ANO4: variants seen among roughly 807,000 people sequenced by gnomAD.
ANO4 encodes the protein anoctamin 4.
A neutral mutation model predicts 141.9 loss-of-function variants in ANO4; 69 were observed. The observed-to-expected ratio is 0.49, with a 90% CI of 0.40 to 0.59. The LOEUF (loss-of-function observed/expected upper bound fraction) is 0.59. Ranked by LOEUF, ANO4 falls within the 20% of genes least tolerant of loss-of-function variation. The pLI is 0.00. For missense variants in ANO4, 894 were observed against 1,162.2 expected (o/e 0.77, Z 3.36); for synonymous variants, 350 against 394.3 (o/e 0.89, Z 1.33).
chr12:101,009,570 G>A (rs1211825319), intron 8 of ANO4, among the ~76,000 whole-genome samples: 1 of 152,034 alleles, frequency 6.6e-6, no homozygotes, highest in Admixed American at 6.5e-5. Flanking sequence ...CAATATTCCT[G>A]CTGAGAACTT....
chr12:101,107,334 A>G (rs2050488766), intron 22 of ANO4, among the ~76,000 whole-genome samples: 1 of 152,198 alleles, frequency 6.6e-6, no homozygotes, highest in South Asian at 2.1e-4. Context: ...AGAAACATAA[A>G]GAAGTTGCTG....
chr12:100,797,608 A>C (rs895760850), intron 1 of ANO4, among the ~76,000 whole-genome samples: 1 of 152,028 alleles, frequency 6.6e-6, no homozygotes, highest in Non-Finnish European at 1.5e-5. Flanking sequence ...ATGGGTCTGG[A>C]AACACCTAGA....
At chr12:101,102,913 T>C (rs950494158) in intron 22 of ANO4, among the ~76,000 whole-genome samples, 1 of 151,846 alleles carries the variant, frequency 6.6e-6, no homozygotes, top group Non-Finnish European at 1.5e-5. Context: ...TTTTAGTATA[T>C]AGGTTTTGTA....
chr12:100,942,371 G>A lies in ANO4; in HGVS notation c.298-6G>A. On this transcript the variant is annotated splice_polypyrimidine_tract_variant and splice_region_variant and intron_variant, in intron 4 of 27. Coordinates refer to ENST00000392977, the MANE Select transcript of ANO4 (RefSeq NM_001286615.2). ...CTTAAACTGGTCCCTTTCTCTTTGT[G>A]TGCAGACAGTGCCAGAAAGAAACAA... 6.2e-7 allele frequency: 1 copy of A among 1,612,602 alleles called. No individual in the cohort carries two copies. Among genetic ancestry groups the A allele is most frequent in the Non-Finnish European group, 8.5e-7 (1 of 1,179,520 alleles).
At chr12:100,981,494 A>G (rs549060853) in intron 7 of ANO4, among the ~76,000 whole-genome samples, 75 of 152,088 alleles carry the variant, frequency 4.9e-4, no homozygotes, top group African/African-American at 1.5e-3. Flanking sequence ...AAGGAAGGGA[A>G]AAGAAAAGAA....
intron 2 of ANO4, among the ~76,000 whole-genome samples, chr12:100,913,229 G>A (rs1269750529): frequency 6.6e-6 from 1 of 152,058 alleles, no homozygotes; most frequent in Non-Finnish European, 1.5e-5. Context: ...AACCTTTTGA[G>A]CACAGAAAGT....
At chr12:100,727,421 T>G (rs879775290) in intron 1 of ANO4, among the ~76,000 whole-genome samples, 6 of 152,216 alleles carry the variant, frequency 3.9e-5, no homozygotes, top group Non-Finnish European at 7.4e-5. Context: ...TCATTATTAC[T>G]CACCACCTTT....
In ANO4 at chr12:100,743,204, A is replaced by T. The variant is rs11110506; in HGVS notation, c.358+3099A>T. On this transcript the variant is annotated intron_variant, in intron 3 of 29. Transcript: ENST00000644049. The stretch of plus-strand genomic sequence containing the variant: ...ATAGATGATTTCACAAGACGTGATC[A>T]CATATGTTTTTGTTTTAAATTATTT... Among the ~76,000 whole-genome samples, 257 of 151,958 alleles carry T rather than the reference A, an allele frequency of 1.7e-3. 1 individual carries two copies. The highest frequency in any genetic ancestry group is 5.8e-3 in the African/African-American group (241 of 41,520).
At chr12:100,891,329 T>A (rs2040094558) in intron 1 of ANO4, among the ~76,000 whole-genome samples, 1 of 152,220 alleles carries the variant, frequency 6.6e-6, no homozygotes, top group Non-Finnish European at 1.5e-5. Context: ...CTCACTTGGG[T>A]AAATACCAAG....
intron 3 of ANO4, among the ~76,000 whole-genome samples, chr12:100,749,961 C>T (rs942461720): frequency 3.9e-5 from 6 of 152,024 alleles, no homozygotes; most frequent in African/African-American, 1.2e-4. Context: ...ATGGATGTCC[C>T]GTATATTTTC....
intron 8 of ANO4, among the ~76,000 whole-genome samples, chr12:101,008,248 G>C (rs2045948150): frequency 6.6e-6 from 1 of 151,984 alleles, no homozygotes; most frequent in East Asian, 1.9e-4. Flanking sequence ...AGCCCTACAA[G>C]GTTTGTTTTG....
intron 2 of ANO4, among the ~76,000 whole-genome samples, chr12:100,917,692 G>T (rs1447417622): frequency 6.6e-6 from 1 of 152,020 alleles, no homozygotes; most frequent in Non-Finnish European, 1.5e-5. Context: ...CTTAATGAAC[G>T]GCTTATTGTC....
intron 3 of ANO4, among the ~76,000 whole-genome samples, chr12:100,771,325 G>A (rs371602898): frequency 3.9e-5 from 6 of 152,266 alleles, no homozygotes; most frequent in South Asian, 2.1e-4. Context: ...TAGACCAGAC[G>A]GATCTGTCAT....
intron 5 of ANO4, among the ~76,000 whole-genome samples, chr12:100,967,856 G>A (rs2043747681): frequency 6.6e-6 from 1 of 152,138 alleles, no homozygotes; most frequent in Admixed American, 6.5e-5. Flanking sequence ...CATTTGCAAA[G>A]CCATGGATTT....
intron 14 of ANO4, among the ~76,000 whole-genome samples, chr12:101,059,772 G>A (rs1007427742): frequency 1.3e-5 from 2 of 151,868 alleles, no homozygotes; most frequent in African/African-American, 4.8e-5. Flanking sequence ...CTTCTCTCTT[G>A]TCTTCTTTAT....
chr12:100,790,244 G>A (rs1000439788), upstream of ANO4, among the ~76,000 whole-genome samples: 6 of 152,180 alleles, frequency 3.9e-5, no homozygotes, highest in African/African-American at 1.2e-4. Flanking sequence ...AGGTTGCAGA[G>A]GGCTTTGAAT....
At chr12:101,088,718 C>A (rs1409848737) in intron 17 of ANO4, among the ~76,000 whole-genome samples, 2 of 151,912 alleles carry the variant, frequency 1.3e-5, no homozygotes, top group African/African-American at 4.8e-5. Context: ...CCCAGCACCC[C>A]ATCTCTACAA....
chr12:100,755,781 T>C (rs2032582098), intron 3 of ANO4, among the ~76,000 whole-genome samples: 2 of 152,220 alleles, frequency 1.3e-5, no homozygotes, highest in South Asian at 2.1e-4. Context: ...CTTTCACCTG[T>C]TTTCAAGTTT....
intron 1 of ANO4, among the ~76,000 whole-genome samples, chr12:100,861,057 G>T (rs2038445749): frequency 6.6e-6 from 1 of 152,202 alleles, no homozygotes; most frequent in Non-Finnish European, 1.5e-5. Context: ...TGCCGCTGCT[G>T]GCTTGGGTGG....
Sources: gnomAD v4.1 joint callset for allele counts (sites outside exome capture counted in the v4.1 genomes callset) on GRCh38, gnomAD v4.1.1 for gene constraint, MANE v1.5 for transcripts, NCBI Gene and HGNC (gene_info 2026-07-23, HGNC 2026-07-21) for gene names.